Variants in DUOX1 observed in about 807,000 individuals in gnomAD.
The protein encoded by DUOX1 is NADPH thyroid oxidase 1.
A neutral mutation model predicts 181.8 loss-of-function variants in DUOX1; 134 were observed. The observed-to-expected ratio is 0.74, with a 90% CI of 0.64 to 0.85. DUOX1 has a LOEUF of 0.85. Among genes scored for constraint, DUOX1 ranks in the 40% least tolerant of loss-of-function variants. DUOX1 has a pLI of 0.00. For missense variants in DUOX1, 1,814 were observed against 2,064.4 expected (o/e 0.88, Z 2.35); for synonymous variants, 798 against 832.5 (o/e 0.96, Z 0.71).
At chr15:45,151,722 G>A in intron 23 of DUOX1, 152 bp from the exon 24 acceptor site, 2 of 780,992 alleles carry the variant, frequency 2.6e-6, no homozygotes, top group Non-Finnish European at 4.1e-6. Context: ...ATGCGGTGAG[G>A]TCTGAACCCT....
In DUOX1 at chr15:45,137,911, C is replaced by T. The variant is rs1430757760; in HGVS notation, c.1023-13C>T. ...TTATCTCAATCACCATCTCCCTGCTCCTTGCATTTCAGAAATGCCAGCTGC... is the reference window on the plus strand; with the variant it reads ...TTATCTCAATCACCATCTCCCTGCTTCTTGCATTTCAGAAATGCCAGCTGC... On this transcript the variant is annotated splice_polypyrimidine_tract_variant and intron_variant, in intron 9 of 33. Coordinates refer to ENST00000389037, the MANE Select transcript of DUOX1 (RefSeq NM_175940.3). The T allele has an allele frequency of 3.8e-6, 6 of 1,594,956 alleles. No individual in the cohort carries two copies. The highest frequency in any genetic ancestry group is 5.1e-6 in the Non-Finnish European group (6 of 1,168,664).
rs994587304 is a variant in DUOX1 at position 45,135,537 on chromosome 15, G to T, written c.559G>T (p.Asp187Tyr). 6.4e-7 allele frequency: 1 copy of T among 1,558,812 alleles called. No homozygotes were observed. The highest frequency in any genetic ancestry group is 8.7e-7 in the Non-Finnish European group (1 of 1,152,802). The change falls in exon 6 of 34, where the codon GAC becomes TAC. Residue 187 changes from aspartate to tyrosine, a missense_variant. Asp to Tyr is a radical substitution (Grantham distance 160, BLOSUM62 -3). Coordinates refer to ENST00000389037, the MANE Select transcript of DUOX1 (RefSeq NM_175940.3). ...AIYGSSHSWS[D>Y]ALRSFSRGQL... ...CTATGGTTCCTCGCATTCCTGGAGC[G>T]ACGCGCTGCGGAGCTTCTCCAGGGG...
At position 45,147,909 on chromosome 15, in the gene DUOX1, C is replaced by T. The variant is rs1595586225; in HGVS notation, c.2554C>T (p.Pro852Ser). 6.2e-7 allele frequency: 1 copy of T among 1,613,982 alleles called. No homozygotes were observed. Among genetic ancestry groups the T allele is most frequent in the Non-Finnish European group, 8.5e-7 (1 of 1,179,830 alleles). ...TGGAGTCCTCCCTCTCCCAGGCTCT[C>T]CTGAGGAAAAGTCTCGCCTTATGTT... ...DILVVFMKGS[P>S]EEKSRLMFRM... Residue 852 changes from proline (P) to serine (S), a missense_variant, in exon 20 of 34, where the codon CCT becomes TCT. Physicochemically the swap from Pro to Ser is moderately conservative, Grantham distance 74. Around this residue, in one of 5 missense-constraint regions of DUOX1, gnomAD observed 1,064 missense variants for 1,152.9 expected, o/e 0.92. Coordinates refer to ENST00000389037, the MANE Select transcript of DUOX1 (RefSeq NM_175940.3).
At chr15:45,164,723 G>T in intron 33 of DUOX1, 56 bp from the exon 34 acceptor site, 1 of 1,610,284 alleles carries the variant, frequency 6.2e-7, no homozygotes, top group Non-Finnish European at 8.5e-7. Context: ...TCTGAACACT[G>T]CGTTATCCCT....
At chr15:45,160,004 T>C (rs1250888733) in intron 28 of DUOX1, among the ~76,000 whole-genome samples, 2 of 152,028 alleles carry the variant, frequency 1.3e-5, no homozygotes, top group Non-Finnish European at 2.9e-5. Flanking sequence ...ATACAAAAAT[T>C]ATCTGGGTTT....
At chr15:45,135,047 G>A in intron 4 of DUOX1, 57 bp from the exon 5 acceptor site, 1 of 1,588,544 alleles carries the variant, frequency 6.3e-7, no homozygotes, top group Non-Finnish European at 8.6e-7. Flanking sequence ...GATACCTAGG[G>A]TAAGAAGGAA....
At position 45,163,923 on chromosome 15, in the gene DUOX1, G is replaced by T. The variant is rs755201757; in HGVS notation, c.4533+5G>T. On this transcript the variant is annotated splice_donor_5th_base_variant and intron_variant, in intron 33 of 33. Coordinates refer to ENST00000389037, the MANE Select transcript of DUOX1 (RefSeq NM_175940.3). ...CTGCAGGAGGTCCACCCCCAGGTCA[G>T]TCCAACCCATAACCAGGTTCTCTTC... 1.9e-6 allele frequency: 3 copies of T among 1,613,704 alleles called. No homozygotes were observed. Among genetic ancestry groups the T allele is most frequent in the Admixed American group, 3.3e-5 (2 of 59,996 alleles).
At chr15:45,151,439 G>T (rs184970145) in intron 23 of DUOX1, among the ~76,000 whole-genome samples, 191 bp downstream of exon 23, 234 of 152,302 alleles carry the variant, frequency 1.5e-3, no homozygotes, top group African/African-American at 5.5e-3. Context: ...ACTGATGACT[G>T]TTCTAATAGT....
chr15:45,143,096 A>G (rs1896550625), intron 15 of DUOX1, 94 bp from the exon 16 acceptor site: 1 of 898,646 alleles, frequency 1.1e-6, no homozygotes, highest in Non-Finnish European at 1.8e-6. Flanking sequence ...GGTGGGGACA[A>G]TAGGTGGTAT....
chr15:45,134,697 G>A (rs190803601), intron 4 of DUOX1, among the ~76,000 whole-genome samples: 1 of 152,318 alleles, frequency 6.6e-6, no homozygotes, highest in African/African-American at 2.4e-5. Context: ...CTCAGGGCAG[G>A]GTTCTGATTC....
intron 23 of DUOX1, 23 bp downstream of exon 23, chr15:45,151,271 G>A (rs776456360): frequency 6.2e-7 from 1 of 1,609,388 alleles, no homozygotes; most frequent in Non-Finnish European, 8.5e-7. Flanking sequence ...TTCCCCTTAA[G>A]CCCAGGCAGT....
intron 14 of DUOX1, 67 bp from the exon 15 acceptor site, chr15:45,141,908 C>G (rs1896503705): frequency 1.3e-6 from 2 of 1,547,786 alleles, no homozygotes; most frequent in Non-Finnish European, 1.7e-6. Flanking sequence ...ACCCTAACCT[C>G]CTCCGTGATC....
At position 45,138,072 on chromosome 15, in the gene DUOX1, G is replaced by GTGTA. The variant is rs1169699574; in HGVS notation, c.1113+61_1113+62insATGT. 1.6e-4 allele frequency: 155 copies of GTGTA among 995,072 alleles called. 2 individuals carry two copies. The South Asian group carries it at 1.8e-3, about 12-fold the overall frequency. 61.6% of individuals were successfully genotyped at this position (995,072 alleles called of 1,614,324 possible). A position where few individuals can be genotyped will look rare whatever the true frequency, so the allele number is the denominator to read the frequency against. On this transcript the variant is annotated intron_variant, in intron 10 of 33. Transcript: ENST00000389037. ...TGTGTGTGTGCATGCTTATGTGTGTGTGTGTATGTGTGTGTGTGTGTGTGT... is the reference window on the plus strand; with the variant it reads ...TGTGTGTGTGCATGCTTATGTGTGTGTGTATGTGTATGTGTGTGTGTGTGTGTGT...
At chr15:45,135,443 G>C (rs924630764) in intron 5 of DUOX1, 31 bp from the exon 6 acceptor site, 1 of 1,540,200 alleles carries the variant, frequency 6.5e-7, no homozygotes, top group Non-Finnish European at 8.7e-7. Context: ...GCCGCCCATC[G>C]ACCCGGGCTC....
chr15:45,154,742 C>T (rs991686096), intron 27 of DUOX1, among the ~76,000 whole-genome samples: 1 of 152,140 alleles, frequency 6.6e-6, no homozygotes, highest in Non-Finnish European at 1.5e-5. Context: ...TAGATCCCTT[C>T]TTAACCTTTA....
At chr15:45,141,432 G>A (rs1896489827) in intron 14 of DUOX1, 22 bp downstream of exon 14, 1 of 1,612,824 alleles carries the variant, frequency 6.2e-7, no homozygotes, top group Non-Finnish European at 8.5e-7. Flanking sequence ...AGGGGTGGCT[G>A]GAGGAGTGGT....
chr15:45,139,212 TG>T, intron 11 of DUOX1, 44 bp downstream of exon 11: 1 of 1,613,254 alleles, frequency 6.2e-7, no homozygotes, highest in Non-Finnish European at 8.5e-7. Context: ...TCCTGGCCTC[TG>T]GGAAGAGGCT....
At chr15:45,148,223 G>C (rs763447610) in intron 20 of DUOX1, 49 bp from the exon 21 acceptor site, 20 of 1,611,266 alleles carry the variant, frequency 1.2e-5, no homozygotes, top group Non-Finnish European at 1.7e-5. Flanking sequence ...CCTGTGTCTG[G>C]GTCGCAGGCC....
At position 45,147,887 on chromosome 15, in the gene DUOX1, A is replaced by G; in HGVS notation, c.2549-17A>G. 6.2e-7 allele frequency: 1 copy of G among 1,608,428 alleles called. No individual in the cohort carries two copies. ...AGGCAGGCGGGGGCTCTCCTTATGG[A>G]GTCCTCCCTCTCCCAGGCTCTCCTG... On this transcript the variant is annotated splice_polypyrimidine_tract_variant and intron_variant, in intron 19 of 33. Coordinates refer to ENST00000389037, the MANE Select transcript of DUOX1 (RefSeq NM_175940.3).
Sources: gnomAD v4.1 joint callset for allele counts (sites outside exome capture counted in the v4.1 genomes callset) on GRCh38, gnomAD v4.1.1 for gene constraint, gnomAD v4.1.1 regional missense constraint, MANE v1.5 for transcripts, NCBI Gene and HGNC (gene_info 2026-07-23, HGNC 2026-07-21) for gene names.